ZNF667: variants seen among roughly 807,000 people sequenced by gnomAD.
ZNF667 encodes the protein myocardial ischemic preconditioning upregulated 1 ortholog.
A neutral mutation model predicts 31.8 loss-of-function variants in ZNF667; 13 were observed. The observed-to-expected ratio is 0.41, with a 90% confidence interval of 0.27 to 0.65. The LOEUF (loss-of-function observed/expected upper bound fraction) is 0.65, where lower values mean the gene tolerates loss of function less well. Ranked by LOEUF, ZNF667 falls within the 30% of genes least tolerant of loss-of-function variation. ZNF667 has a pLI of 0.32. For missense variants in ZNF667, 642 were observed against 725.6 expected, an observed-to-expected ratio of 0.88 and a Z score of 1.32; for synonymous variants, 228 against 247.1, an observed-to-expected ratio of 0.92 and a Z score of 0.73.
At chr19:56,446,840 C>A (rs893390631) in intron 6 of ZNF667, among the ~76,000 whole-genome samples, 4 of 152,174 alleles carry the variant, frequency 2.6e-5, no homozygotes, top group Non-Finnish European at 5.9e-5. Context: ...TAAGTCACAT[C>A]AGTTAAGCTG....
At chr19:56,451,457 C>G (rs1432159915) in intron 6 of ZNF667, among the ~76,000 whole-genome samples, 1 of 152,126 alleles carries the variant, frequency 6.6e-6, no homozygotes, top group Non-Finnish European at 1.5e-5. Flanking sequence ...ACCTAATGGA[C>G]CTAATAGATA....
intron 4 of ZNF667, among the ~76,000 whole-genome samples, chr19:56,461,546 T>C (rs76681623): frequency 0.044 from 6,645 of 152,260 alleles, 317 homozygotes; most frequent in African/African-American, 0.12. Flanking sequence ...ATTTCAGCCC[T>C]GTGAACTCCA....
chr19:56,470,583 A>G (rs1335861902), intron 3 of ZNF667, among the ~76,000 whole-genome samples: 1 of 152,140 alleles, frequency 6.6e-6, no homozygotes, highest in African/African-American at 2.4e-5. Context: ...CTCCTCACAC[A>G]TGGCAGGAGT....
At chr19:56,455,813 T>C (rs2042919695) in intron 6 of ZNF667, among the ~76,000 whole-genome samples, 1 of 152,174 alleles carries the variant, frequency 6.6e-6, no homozygotes, top group Non-Finnish European at 1.5e-5. Flanking sequence ...AGGTGATAGA[T>C]ACCTCACATA....
At chr19:56,469,937 G>A (rs752279996) in intron 3 of ZNF667, 2 of 494,472 alleles carry the variant, frequency 4.0e-6, no homozygotes, top group South Asian at 3.0e-5. Context: ...GTAGGGGTAT[G>A]CTTCACATGT....
In ZNF667 at chr19:56,458,144, C is replaced by G; in HGVS notation, c.253+11G>C. The G allele has an allele frequency of 6.2e-7, 1 of 1,613,464 alleles. No individual in the cohort carries two copies. Among genetic ancestry groups the G allele is most frequent in the Non-Finnish European group, 8.5e-7 (1 of 1,179,344 alleles). On this transcript the variant is annotated intron_variant, in intron 6 of 6. Coordinates refer to ENST00000504904, the MANE Select transcript of ZNF667 (RefSeq NM_001321356.2). ...AGACTGAGACATATGCCTTGGTTCT[C>G]TGTCACTCACCAGGAGCCCGGCGTC...
At chr19:56,456,921 T>G (rs574867888) in intron 6 of ZNF667, among the ~76,000 whole-genome samples, 291 of 152,326 alleles carry the variant, frequency 1.9e-3, no homozygotes, top group Non-Finnish European at 2.2e-3. Context: ...ATGTTGAAAT[T>G]AAGATGTAAA....
At position 56,442,140 on chromosome 19, in the gene ZNF667, T is replaced by A; in HGVS notation, c.855A>T (p.Lys285Asn). 1 of 1,613,272 alleles carries A rather than the reference T, an allele frequency of 6.2e-7. No homozygotes were observed. Among genetic ancestry groups the A allele is most frequent in the Admixed American group, 1.7e-5 (1 of 59,824 alleles). The change falls in exon 7 of 7, where the codon AAA becomes AAT. Residue 285 changes from lysine to asparagine, a missense_variant. Coordinates refer to ENST00000504904, the MANE Select transcript of ZNF667 (RefSeq NM_001321356.2). ...ATTTCTTTTTGAAGCCTCTCCCACATTTATTATATTTATGTGTTTTCTTTC... is the reference window on the plus strand; with the variant it reads ...ATTTCTTTTTGAAGCCTCTCCCACAATTATTATATTTATGTGTTTTCTTTC... ...HNGKKTHKYN[K>N]CGRGFKKKSV...
intron 3 of ZNF667, among the ~76,000 whole-genome samples, chr19:56,462,637 T>C (rs1316745952): frequency 6.6e-6 from 1 of 152,176 alleles, no homozygotes; most frequent in African/African-American, 2.4e-5. Flanking sequence ...CCTAAGATCA[T>C]AGCAGGTTCT....
At chr19:56,453,030 G>A (rs2042866324) in intron 6 of ZNF667, among the ~76,000 whole-genome samples, 1 of 151,980 alleles carries the variant, frequency 6.6e-6, no homozygotes, top group Non-Finnish European at 1.5e-5. Context: ...GACCAGAGAT[G>A]CAAAAGGAAT....
At chr19:56,459,321 T>C (rs983311864) in intron 5 of ZNF667, among the ~76,000 whole-genome samples, 14 of 152,266 alleles carry the variant, frequency 9.2e-5, no homozygotes, top group Non-Finnish European at 1.9e-4. Flanking sequence ...CCCTCACCCT[T>C]CTATTATCTG....
chr19:56,452,242 G>A (rs1275051387), intron 6 of ZNF667, among the ~76,000 whole-genome samples: 1 of 151,990 alleles, frequency 6.6e-6, no homozygotes, highest in Non-Finnish European at 1.5e-5. Context: ...TAGAGACAGG[G>A]TTTCACCATG....
chr19:56,452,959 T>G (rs1283435289), intron 6 of ZNF667, among the ~76,000 whole-genome samples: 2 of 151,210 alleles, frequency 1.3e-5, no homozygotes, highest in African/African-American at 4.9e-5. Flanking sequence ...AAAATGAAAT[T>G]TTTTCAAAAA....
Position 56,442,025 on chromosome 19 carries a change from G to T in ZNF667, c.970C>A (p.His324Asn). The change falls in exon 7 of 7, where the codon CAC becomes AAC. Residue 324 changes from histidine to asparagine, a missense_variant. Physicochemically the swap from His to Asn is moderately conservative, Grantham distance 68. Transcript: ENST00000504904. ...CATTTAAAAGGATTCTCTAAATGGT[G>T]ACTTCTTTGCTGTAGACTCTGACTT... ...ALSQSLQQRS[H>N]HLENPFKCRK... 6.2e-7 allele frequency: 1 copy of T among 1,614,046 alleles called. No individual in the cohort carries two copies. Among genetic ancestry groups the T allele is most frequent in the South Asian group, 1.1e-5 (1 of 91,058 alleles).
At position 56,471,718 on chromosome 19, in the gene ZNF667, G is replaced by C. The variant is rs1225603001; in HGVS notation, c.-79C>G. ...ATTTACCAGATAAGCAGATCAGTTGGCTTTCCCCTTCCAATTACTTAGGTA... is the reference window on the plus strand; with the variant it reads ...ATTTACCAGATAAGCAGATCAGTTGCCTTTCCCCTTCCAATTACTTAGGTA... On this transcript the variant is annotated 5_prime_UTR_variant, in exon 3 of 7. Transcript: ENST00000504904. 2.6e-5 allele frequency: 4 copies of C among 152,186 alleles called. No homozygotes were observed. The highest frequency in any genetic ancestry group is 5.9e-5 in the Non-Finnish European group (4 of 68,036). The allele number at this position is 152,186 out of a possible 1,614,324, so 9.4% of individuals were successfully genotyped here.
chr19:56,475,702 T>A (rs573800061), intron 1 of ZNF667: 1 of 152,144 alleles, frequency 6.6e-6, no homozygotes, highest in East Asian at 1.9e-4. Flanking sequence ...GACAGAAACA[T>A]TTCCAGACCC....
At chr19:56,453,677 A>G (rs2042879864) in intron 6 of ZNF667, among the ~76,000 whole-genome samples, 1 of 152,210 alleles carries the variant, frequency 6.6e-6, no homozygotes, top group African/African-American at 2.4e-5. Context: ...ATAGAGGAAC[A>G]TTCCTCAACA....
chr19:56,443,870 C>T (rs1350235640), intron 6 of ZNF667, among the ~76,000 whole-genome samples: 3 of 152,144 alleles, frequency 2.0e-5, no homozygotes, highest in African/African-American at 7.2e-5. Flanking sequence ...GGCAAACTGA[C>T]TATAAACCTG....
intron 6 of ZNF667, among the ~76,000 whole-genome samples, chr19:56,455,593 GA>G (rs1230832294): frequency 7.9e-5 from 12 of 152,208 alleles, no homozygotes; most frequent in Non-Finnish European, 5.9e-5. Context: ...ATGGATATAA[GA>G]GAGTAGAAGG....
Sources: allele counts gnomAD v4.1 joint callset (sites outside exome capture counted in the v4.1 genomes callset), GRCh38; gene constraint gnomAD v4.1.1; transcripts MANE v1.5; gene names NCBI Gene and HGNC (gene_info 2026-07-23, HGNC 2026-07-21).